Variants in STARD3 observed in about 807,000 individuals in gnomAD.
STARD3 encodes the protein stAR-related lipid transfer protein 3.
In STARD3, 39 loss-of-function variants were observed where a neutral mutation model predicts 62.0. The ratio of observed to expected loss-of-function variants is 0.63; its 90% CI spans 0.49 to 0.82. The LOEUF (loss-of-function observed/expected upper bound fraction) is 0.82, where lower values mean the gene tolerates loss of function less well. STARD3 is among the 40% of genes least tolerant of loss of function. The pLI is 0.00. For synonymous variants in STARD3, 229 were observed against 242.4 expected (o/e 0.94, Z 0.51); for missense variants, 543 against 584.5 (o/e 0.93, Z 0.73).
rs1817175751 is a variant in STARD3 at position 39,663,948 on chromosome 17, G to C, written c.*1040G>C. 6.6e-6 allele frequency among the ~76,000 whole-genome samples: 1 copy of C among 152,050 alleles called. No individual in the cohort carries two copies. The highest frequency in any genetic ancestry group is 2.1e-4 in the South Asian group (1 of 4,824). On this transcript the variant is annotated 3_prime_UTR_variant, in exon 15 of 15. Coordinates refer to ENST00000336308, the MANE Select transcript of STARD3 (RefSeq NM_006804.4). ...CGGCACTCACACCAGGGGCGGCCTG[G>C]AGCCCGGATCGCAGGGCGGGGCCAG...
At chr17:39,654,678 C>G (rs541009729) in intron 2 of STARD3, among the ~76,000 whole-genome samples, 1 of 152,234 alleles carries the variant, frequency 6.6e-6, no homozygotes, top group Admixed American at 6.5e-5. Flanking sequence ...GGCTTTGGCC[C>G]GATGACCTCA....
intron 1 of STARD3, among the ~76,000 whole-genome samples, chr17:39,640,797 C>T (rs1366944079): frequency 1.3e-5 from 2 of 150,684 alleles, no homozygotes; most frequent in Non-Finnish European, 3.0e-5. Flanking sequence ...CTGTACACTG[C>T]ACCCGCAGAG....
At chr17:39,644,092 C>T (rs943900958) in intron 1 of STARD3, among the ~76,000 whole-genome samples, 5 of 152,160 alleles carry the variant, frequency 3.3e-5, no homozygotes, top group African/African-American at 1.2e-4. Context: ...GGTGCTGGTG[C>T]TAGCATTTCC....
chr17:39,642,800 TGA>T (rs1469147830), intron 1 of STARD3, among the ~76,000 whole-genome samples: 1 of 151,976 alleles, frequency 6.6e-6, no homozygotes, highest in Non-Finnish European at 1.5e-5. Context: ...CTCATTGGAA[TGA>T]GAGAGCAAGT....
chr17:39,637,803 C>A (rs1054759157), intron 1 of STARD3, among the ~76,000 whole-genome samples: 6 of 152,162 alleles, frequency 3.9e-5, no homozygotes, highest in African/African-American at 1.4e-4. Flanking sequence ...TTCTTCGTAC[C>A]GCTCTGACAG....
rs571693478 is a variant in STARD3 at position 39,653,196 on chromosome 17, G to A, written c.-51-285G>A. On this transcript the variant is annotated intron_variant, in intron 1 of 14. Transcript: ENST00000336308. ...TACAGCCCCAGGGATCCAGGAGGGG[G>A]TAGGTGCCCATGCAGAGGGACCCCA... is the stretch of plus-strand genomic sequence containing the variant. 17 of 405,102 alleles carry A rather than the reference G, an allele frequency of 4.2e-5. No individual in the cohort carries two copies. The South Asian group carries it at 4.6e-4, about 11-fold the overall frequency. 25.1% of individuals were successfully genotyped at this position (405,102 alleles called of 1,614,324 possible).
intron 1 of STARD3, among the ~76,000 whole-genome samples, chr17:39,650,638 T>C (rs2144955489): frequency 6.6e-6 from 1 of 152,000 alleles, no homozygotes; most frequent in Non-Finnish European, 1.5e-5. Context: ...GAGACCCTCG[T>C]CTCTAAAAAA....
chr17:39,643,825 A>G (rs2057001523), intron 1 of STARD3, among the ~76,000 whole-genome samples: 1 of 152,036 alleles, frequency 6.6e-6, no homozygotes, highest in African/African-American at 2.4e-5. Flanking sequence ...TGCAGCCACC[A>G]CTCTGTGTCA....
chr17:39,657,644 C>T (rs2145012979), intron 3 of STARD3, 131 bp from the exon 4 acceptor site: 2 of 890,298 alleles, frequency 2.2e-6, no homozygotes, highest in Non-Finnish European at 3.7e-6. Flanking sequence ...CATGCTGACT[C>T]AGTCGTTGTC....
At chr17:39,640,455 G>A (rs2056972999) in intron 1 of STARD3, among the ~76,000 whole-genome samples, 1 of 152,158 alleles carries the variant, frequency 6.6e-6, no homozygotes, top group South Asian at 2.1e-4. Flanking sequence ...GCTTTGTCCA[G>A]GCAGGGTTGG....
At chr17:39,644,851 C>CAAA (rs35361174) in intron 1 of STARD3, among the ~76,000 whole-genome samples, 2 of 116,884 alleles carry the variant, frequency 1.7e-5, no homozygotes, top group African/African-American at 6.1e-5. Context: ...GACAGAGTCT[C>CAAA]AAAAAAAAAA....
chr17:39,653,685 A>T lies in STARD3; in HGVS notation c.154A>T (p.Thr52Ser). The change falls in exon 2 of 15, where the codon ACC (threonine) becomes TCC (serine). Residue 52 changes from threonine to serine, a missense_variant. Transcript: ENST00000336308. The stretch of plus-strand genomic sequence containing the variant: ...AAGGGCCATCTCTGATGTCCGCCGC[A>T]CCTTCTGTCTCTTCGTCACCTTCGA... ...KRRAISDVRRTFCLFVTFDLL... is the reference protein window; with the variant it reads ...KRRAISDVRRSFCLFVTFDLL... The T allele has an allele frequency of 6.2e-7, 1 of 1,614,042 alleles. No individual in the cohort carries two copies. The highest frequency in any genetic ancestry group is 8.5e-7 in the Non-Finnish European group (1 of 1,180,004).
chr17:39,644,627 G>C (rs918901296), intron 1 of STARD3, among the ~76,000 whole-genome samples: 2 of 148,666 alleles, frequency 1.3e-5, no homozygotes, highest in African/African-American at 5.1e-5. Context: ...CTTGAGTCCA[G>C]GAGTTTGACA....
chr17:39,659,204 G>A lies in STARD3; in HGVS notation c.702+98G>A, dbSNP rs533301567. On this transcript the variant is annotated intron_variant, in intron 8 of 14. Coordinates refer to ENST00000336308, the MANE Select transcript of STARD3 (RefSeq NM_006804.4). ...CGGGGTGGGCAGGGGTTTCCCAGTA[G>A]AGGCTGAACCTCGGGCAATGCCCAT... 6.7e-6 allele frequency: 10 copies of A among 1,489,460 alleles called. No individual in the cohort carries two copies. The Admixed American group carries it at 1.2e-4, about 18-fold the overall frequency. 92.3% of individuals were successfully genotyped at this position (1,489,460 alleles called of 1,614,324 possible). A position where few individuals can be genotyped will look rare whatever the true frequency, so the allele number is the denominator to read the frequency against.
chr17:39,657,773 A>G lies in STARD3; in HGVS notation c.298-2A>G, dbSNP rs2057145836. ...GACTGCCTTGCTCCCGTCCCCCACCAGGTCCTGGCCTTCTTCCGCTTCTCT... is the reference window on the plus strand; with the variant it reads ...GACTGCCTTGCTCCCGTCCCCCACCGGGTCCTGGCCTTCTTCCGCTTCTCT... On this transcript the variant is annotated splice_acceptor_variant, in intron 3 of 14. Transcript: ENST00000336308. LOFTEE classifies it high-confidence loss of function. The G allele has an allele frequency of 6.2e-7, 1 of 1,614,156 alleles. No homozygotes were observed. Among genetic ancestry groups the G allele is most frequent in the Non-Finnish European group, 8.5e-7 (1 of 1,179,988 alleles).
At chr17:39,659,360 C>T in intron 8 of STARD3, 101 bp from the exon 9 acceptor site, 1 of 1,244,464 alleles carries the variant, frequency 8.0e-7, no homozygotes, top group African/African-American at 1.5e-5. Context: ...GGGCCAGGCC[C>T]CTCTGGGAAG....
chr17:39,659,889 T>G, intron 9 of STARD3: 1 of 519,218 alleles, frequency 1.9e-6, no homozygotes, highest in Non-Finnish European at 3.4e-6. Context: ...GTAGAGAGCT[T>G]GGAAAACAGA....
Position 39,662,622 on chromosome 17 carries a change from G to T in STARD3, c.1234-182G>T. On this transcript the variant is annotated intron_variant, in intron 14 of 14. Coordinates refer to ENST00000336308, the MANE Select transcript of STARD3 (RefSeq NM_006804.4). ...CCCACCCTGGTCTGTTTGTGTTGCT[G>T]GTGCCAAGAGCCAGGCCCAGCATGT... 4 of 652,578 alleles carry T rather than the reference G, an allele frequency of 6.1e-6. No individual in the cohort carries two copies. In the South Asian group the frequency reaches 7.8e-5, roughly 13 times the overall value. The allele number at this position is 652,578 out of a possible 1,614,324, so 40.4% of individuals were successfully genotyped here.
In STARD3 at chr17:39,662,901, G is replaced by A. The variant is rs765847238; in HGVS notation, c.1331G>A (p.Arg444Gln). ...LRQRISELGA[R>Q]A is the part of the protein sequence containing the mutation. The stretch of plus-strand genomic sequence containing the variant: ...CAGCGCATCAGCGAGCTGGGGGCCC[G>A]GGCGTGACTGTGCCCCCTCCCACCC... Residue 444 changes from arginine (R) to glutamine (Q), a missense_variant, in exon 15 of 15, where the codon CGG becomes CAG. Physicochemically the swap from Arg to Gln is conservative, Grantham distance 43. Coordinates refer to ENST00000336308, the MANE Select transcript of STARD3 (RefSeq NM_006804.4). 16 of 1,610,990 alleles carry A rather than the reference G, an allele frequency of 9.9e-6. No individual in the cohort carries two copies. The Admixed American group carries it at 1.0e-4, about 10-fold the overall frequency.
Sources: allele counts gnomAD v4.1 joint callset (sites outside exome capture counted in the v4.1 genomes callset), GRCh38; gene constraint gnomAD v4.1.1; transcripts MANE v1.5; gene names NCBI Gene and HGNC (gene_info 2026-07-23, HGNC 2026-07-21).